The following SPOCK3 variants were observed in gnomAD, a reference collection of about 807,000 sequenced individuals.
SPOCK3 encodes the protein SPARC (osteonectin), cwcv and kazal like domains proteoglycan 3.
Under a neutral mutation model 56.6 loss-of-function variants are expected in SPOCK3, and 30 were observed. The ratio of observed to expected loss-of-function variants is 0.53; its 90% CI spans 0.40 to 0.72. SPOCK3 has a LOEUF of 0.72. SPOCK3 is among the 30% of genes least tolerant of loss of function. The pLI, the probability that SPOCK3 is intolerant of heterozygous loss-of-function variation, is 0.00. For missense variants in SPOCK3, 527 were observed against 530.0 expected, an observed-to-expected ratio of 0.99 and a Z score of 0.06; for synonymous variants, 196 against 183.3, an observed-to-expected ratio of 1.07 and a Z score of -0.56.
chr4:166,737,407 G>C, intron 10 of SPOCK3, 60 bp downstream of exon 10: 1 of 1,524,380 alleles, frequency 6.6e-7, no homozygotes, highest in Non-Finnish European at 8.9e-7. Context: ...AATGAATGAG[G>C]CTCTAAAGCA....
chr4:167,125,093 T>A (rs1762152725), intron 2 of SPOCK3, among the ~76,000 whole-genome samples: 1 of 152,056 alleles, frequency 6.6e-6, no homozygotes, highest in Non-Finnish European at 1.5e-5. Flanking sequence ...CTATATTTTT[T>A]CCATAGTACT....
chr4:166,935,086 A>C (rs1374576816), intron 4 of SPOCK3, among the ~76,000 whole-genome samples: 1 of 152,084 alleles, frequency 6.6e-6, no homozygotes, highest in Non-Finnish European at 1.5e-5. Flanking sequence ...AGTAGAAGAA[A>C]AGGTCAGAAA....
chr4:166,767,540 T>C (rs1738262315), intron 7 of SPOCK3, among the ~76,000 whole-genome samples: 1 of 152,230 alleles, frequency 6.6e-6, no homozygotes, highest in Non-Finnish European at 1.5e-5. Context: ...TTGATTGCAC[T>C]GTGGTCTGAG....
intron 6 of SPOCK3, among the ~76,000 whole-genome samples, chr4:166,808,653 T>C (rs1056530539): frequency 6.6e-6 from 1 of 152,138 alleles, no homozygotes; most frequent in African/African-American, 2.4e-5. Context: ...CTGAGCTAAC[T>C]AATATACTTC....
rs555085658 is a variant in SPOCK3 at position 167,106,372 on chromosome 4, G to A, written c.190-43835C>T. 5.3e-5 allele frequency among the ~76,000 whole-genome samples: 8 copies of A among 151,926 alleles called. No homozygotes were observed. In the East Asian group the frequency reaches 1.5e-3, roughly 29 times the overall value. On this transcript the variant is annotated intron_variant, in intron 2 of 10. Transcript: ENST00000357545. ...AAACACATGGAAATTAAACAAATAT[G>A]CTCCTTAATGACCATTGTGTCAATT...
At chr4:166,791,389 G>T (rs1741332895) in intron 7 of SPOCK3, among the ~76,000 whole-genome samples, 6 of 152,114 alleles carry the variant, frequency 3.9e-5, no homozygotes, top group Admixed American at 3.9e-4. Context: ...TCACACATCT[G>T]GTTCTTCTTT....
At chr4:166,932,823 G>C (rs1204547025) in intron 4 of SPOCK3, among the ~76,000 whole-genome samples, 1 of 152,082 alleles carries the variant, frequency 6.6e-6, no homozygotes, top group Non-Finnish European at 1.5e-5. Flanking sequence ...ATATTACAAA[G>C]TAAAGTGCTT....
intron 4 of SPOCK3, among the ~76,000 whole-genome samples, chr4:166,951,873 A>G (rs1445492041): frequency 6.6e-6 from 1 of 152,154 alleles, no homozygotes; most frequent in East Asian, 1.9e-4. Context: ...CCTTTGACAA[A>G]ATTCAACAAC....
chr4:167,201,782 A>G (rs1420780983), intron 2 of SPOCK3, among the ~76,000 whole-genome samples: 2 of 151,800 alleles, frequency 1.3e-5, no homozygotes, highest in African/African-American at 4.8e-5. Context: ...GTATTGTAGG[A>G]GAATGAAATT....
intron 6 of SPOCK3, among the ~76,000 whole-genome samples, chr4:166,804,829 C>A (rs1331533199): frequency 6.6e-6 from 1 of 152,072 alleles, no homozygotes; most frequent in African/African-American, 2.4e-5. Flanking sequence ...GATTAGGCAG[C>A]CAACTCTACT....
intron 9 of SPOCK3, among the ~76,000 whole-genome samples, chr4:166,740,374 C>T (rs1037306497): frequency 1.3e-5 from 2 of 151,628 alleles, no homozygotes; most frequent in Non-Finnish European, 2.9e-5. Context: ...AACCTGTATT[C>T]TAATAGATTT....
chr4:166,840,762 GAAGCAA>G (rs1201846351), intron 6 of SPOCK3, among the ~76,000 whole-genome samples: 3 of 120,752 alleles, frequency 2.5e-5, no homozygotes, highest in Admixed American at 8.6e-5. Context: ...CATCTTCCCA[GAAGCAA>G]AAGTTTTTTT....
At chr4:167,091,458 GATA>G (rs1758692647) in intron 2 of SPOCK3, among the ~76,000 whole-genome samples, 1 of 152,052 alleles carries the variant, frequency 6.6e-6, no homozygotes, top group South Asian at 2.1e-4. Flanking sequence ...TGCAAATGGT[GATA>G]ATATCAGCAG....
At chr4:167,230,662 T>C (rs1474299003) in intron 2 of SPOCK3, among the ~76,000 whole-genome samples, 1 of 152,114 alleles carries the variant, frequency 6.6e-6, no homozygotes, top group African/African-American at 2.4e-5. Context: ...ATGTGTTGAC[T>C]TTTCTGTATC....
intron 6 of SPOCK3, among the ~76,000 whole-genome samples, chr4:166,852,629 T>C (rs1361416118): frequency 6.6e-6 from 1 of 152,180 alleles, no homozygotes; most frequent in Non-Finnish European, 1.5e-5. Context: ...TGTTCTTTCC[T>C]TCCTCAAAGT....
chr4:167,112,720 G>A (rs1761003693), intron 2 of SPOCK3, among the ~76,000 whole-genome samples: 1 of 152,046 alleles, frequency 6.6e-6, no homozygotes, highest in Non-Finnish European at 1.5e-5. Context: ...AGGTTTGGAA[G>A]AAGCCTCACA....
intron 2 of SPOCK3, among the ~76,000 whole-genome samples, chr4:167,177,763 C>G (rs2150481911): frequency 6.6e-6 from 1 of 152,230 alleles, no homozygotes; most frequent in South Asian, 2.1e-4. Flanking sequence ...ACATTGTCAA[C>G]TTGCCTGTCT....
intron 4 of SPOCK3, among the ~76,000 whole-genome samples, chr4:166,972,666 A>C (rs1223116941): frequency 6.8e-6 from 1 of 146,302 alleles, no homozygotes; most frequent in Admixed American, 6.7e-5. Context: ...CATTGTTTTA[A>C]GGATGTTTAT....
intron 6 of SPOCK3, among the ~76,000 whole-genome samples, chr4:166,864,012 T>C (rs765969729): frequency 6.6e-5 from 10 of 152,102 alleles, no homozygotes; most frequent in Non-Finnish European, 1.2e-4. Context: ...GCACATATTC[T>C]AAAATTGACC....
Sources: allele counts gnomAD v4.1 joint callset (sites outside exome capture counted in the v4.1 genomes callset), GRCh38; gene constraint gnomAD v4.1.1; transcripts MANE v1.5; gene names NCBI Gene and HGNC (gene_info 2026-07-23, HGNC 2026-07-21).